Variants in SGPP2 observed in about 807,000 individuals in gnomAD.
The protein encoded by SGPP2 is sphingosine 1-phosphate phosphohydrolase 2.
In SGPP2, 30 loss-of-function variants were observed where a neutral mutation model predicts 33.9. The ratio of observed to expected loss-of-function variants is 0.89; its 90% CI spans 0.66 to 1.20. The LOEUF is 1.20. Ranked by LOEUF, SGPP2 falls within the 50% of genes most tolerant of loss-of-function variation. The pLI is 0.00. For missense variants in SGPP2, 458 were observed against 532.1 expected (o/e 0.86, Z 1.37); for synonymous variants, 233 against 225.0 (o/e 1.04, Z -0.32).
At position 222,562,319 on chromosome 2, in the gene SGPP2, G is replaced by A. The variant is rs892386415; in HGVS notation, c.*3421G>A. Among the ~76,000 whole-genome samples, 18 of 152,094 alleles carry A rather than the reference G, an allele frequency of 1.2e-4. No homozygotes were observed. Among genetic ancestry groups the A allele is most frequent in the African/African-American group, 3.4e-4 (14 of 41,404 alleles). Reference sequence around the variant, plus strand: ...TGCCAGTTTTGCTCAAACCTGCACCGTCACAAGATATTCAGAAGATGAAAA... The same window carrying A: ...TGCCAGTTTTGCTCAAACCTGCACCATCACAAGATATTCAGAAGATGAAAA... On this transcript the variant is annotated 3_prime_UTR_variant, in exon 5 of 5. Coordinates refer to ENST00000321276, the MANE Select transcript of SGPP2 (RefSeq NM_152386.4).
chr2:222,477,823 C>G lies in SGPP2; in HGVS notation c.378+3097C>G, dbSNP rs73991409. On this transcript the variant is annotated intron_variant, in intron 2 of 4. Coordinates refer to ENST00000321276, the MANE Select transcript of SGPP2 (RefSeq NM_152386.4). This position sits in a 1 kb window ranked among gnomAD's most constrained non-coding sequence, Gnocchi z 6.0. ...CGTTGCCATTATTGGTGGTTATTTT[C>G]TGCTTCGGATTCCTCACTTCAAAGC... Among the ~76,000 whole-genome samples, 4,580 of 152,214 alleles carry G rather than the reference C, an allele frequency of 0.03. 254 individuals are homozygous for G. Among genetic ancestry groups the G allele is most frequent in the African/African-American group, 0.1 (4,292 of 41,486 alleles).
At chr2:222,456,000 GC>G (rs1344622657) in intron 1 of SGPP2, among the ~76,000 whole-genome samples, 1 of 152,126 alleles carries the variant, frequency 6.6e-6, no homozygotes, top group Non-Finnish European at 1.5e-5. Context: ...GATTGCTTGA[GC>G]CCAGGAGTTT....
At chr2:222,449,315 G>T (rs543597413) in intron 1 of SGPP2, among the ~76,000 whole-genome samples, 1 of 152,286 alleles carries the variant, frequency 6.6e-6, no homozygotes, top group South Asian at 2.1e-4. Flanking sequence ...GGCATTTTGG[G>T]TGAGGACACA....
At chr2:222,552,175 G>A (rs886304715) in intron 4 of SGPP2, among the ~76,000 whole-genome samples, 1 of 152,178 alleles carries the variant, frequency 6.6e-6, no homozygotes, top group Non-Finnish European at 1.5e-5. Context: ...AGACATGAGT[G>A]TGTAAATATC....
At chr2:222,512,996 G>C (rs1187515424) in intron 2 of SGPP2, among the ~76,000 whole-genome samples, 2 of 152,234 alleles carry the variant, frequency 1.3e-5, no homozygotes, top group African/African-American at 4.8e-5. Context: ...ACACCAAAGA[G>C]TGTGACATCT....
In SGPP2 at chr2:222,555,976, T is replaced by C. The variant is rs60184949; in HGVS notation, c.649-2371T>C. Among the ~76,000 whole-genome samples, 1,036 of 152,318 alleles carry C rather than the reference T, an allele frequency of 6.8e-3. 12 individuals carry two copies. The highest frequency in any genetic ancestry group is 0.024 in the African/African-American group (999 of 41,564). ...CTATGAAAGGAATTCAGTGCGTTGA[T>C]TGGCCTACCTAGGTCATGTGCTTCA... On this transcript the variant is annotated intron_variant, in intron 4 of 4. Transcript: ENST00000321276.
In SGPP2 at chr2:222,503,490, C is replaced by T. The variant is rs116623833; in HGVS notation, c.379-18277C>T. Among the ~76,000 whole-genome samples, 132 of 152,130 alleles carry T rather than the reference C, an allele frequency of 8.7e-4. 2 individuals carry two copies. Among genetic ancestry groups the T allele is most frequent in the African/African-American group, 2.9e-3 (120 of 41,490 alleles). On this transcript the variant is annotated intron_variant, in intron 2 of 4. Coordinates refer to ENST00000321276, the MANE Select transcript of SGPP2 (RefSeq NM_152386.4). ...CCCACTTGTAGGGCTGTTCCCATGG[C>T]GAAATGACAAAGATCTCAAGTCCCT...
chr2:222,522,000 C>T, intron 3 of SGPP2, 54 bp downstream of exon 3: 3 of 1,435,600 alleles, frequency 2.1e-6, no homozygotes, highest in South Asian at 3.3e-5. Flanking sequence ...CAAATAGAGG[C>T]TGCACTTCTG....
intron 1 of SGPP2, among the ~76,000 whole-genome samples, chr2:222,449,710 C>T (rs981450299): frequency 6.6e-6 from 1 of 152,180 alleles, no homozygotes; most frequent in African/African-American, 2.4e-5. Flanking sequence ...TGGGAATGCA[C>T]ACTGCTGCCA....
At chr2:222,505,624 C>G (rs943012999) in intron 2 of SGPP2, among the ~76,000 whole-genome samples, 1 of 151,940 alleles carries the variant, frequency 6.6e-6, no homozygotes, top group Non-Finnish European at 1.5e-5. Context: ...ATACATGAAT[C>G]TATTATGAAA....
chr2:222,537,106 CTG>C (rs1698927575), intron 4 of SGPP2, among the ~76,000 whole-genome samples: 1 of 152,198 alleles, frequency 6.6e-6, no homozygotes, highest in Non-Finnish European at 1.5e-5. Context: ...CAGGGGCAAA[CTG>C]TGTGCCTCAG....
chr2:222,561,478 A>T lies in SGPP2; in HGVS notation c.*2580A>T, dbSNP rs1689537900. ...GTATTTTTTAAAAAGAGGGATTGTG[A>T]TCATTGTCACAGAGTGGGTGCTGGC... On this transcript the variant is annotated 3_prime_UTR_variant, in exon 5 of 5. Coordinates refer to ENST00000321276, the MANE Select transcript of SGPP2 (RefSeq NM_152386.4). Among the ~76,000 whole-genome samples, 1 of 151,484 alleles carries T rather than the reference A, an allele frequency of 6.6e-6. No individual in the cohort carries two copies. Among genetic ancestry groups the T allele is most frequent in the Admixed American group, 6.6e-5 (1 of 15,192 alleles).
intron 1 of SGPP2, among the ~76,000 whole-genome samples, chr2:222,425,286 G>C (rs1048855318): frequency 6.6e-6 from 1 of 151,310 alleles, no homozygotes; most frequent in Admixed American, 6.6e-5. Flanking sequence ...TCCTCACCGC[G>C]CTGCACCGCC....
intron 1 of SGPP2, among the ~76,000 whole-genome samples, chr2:222,442,677 A>G (rs1248537370): frequency 2.6e-5 from 4 of 152,236 alleles, no homozygotes; most frequent in Non-Finnish European, 5.9e-5. Flanking sequence ...TTTGGCTAAG[A>G]ATCTAAAATG....
Position 222,476,531 on chromosome 2 carries a change from G to A in SGPP2, c.378+1805G>A, listed in dbSNP as rs956693812. 2.0e-5 allele frequency among the ~76,000 whole-genome samples: 3 copies of A among 152,104 alleles called. No individual in the cohort carries two copies. The highest frequency in any genetic ancestry group is 6.6e-5 in the Admixed American group (1 of 15,258). On this transcript the variant is annotated intron_variant, in intron 2 of 4. Transcript: ENST00000321276. This position sits in a 1 kb window ranked among gnomAD's most constrained non-coding sequence, Gnocchi z 4.3. ...AACGTTAGTCCAGTTGTCCCTCCCCGTTTCTGAGGCCACTTCTGTGTCCAC... is the reference window on the plus strand; with the variant it reads ...AACGTTAGTCCAGTTGTCCCTCCCCATTTCTGAGGCCACTTCTGTGTCCAC...
Position 222,460,717 on chromosome 2 carries a change from C to G in SGPP2, c.220-13851C>G, listed in dbSNP as rs957068035. 1.3e-5 allele frequency among the ~76,000 whole-genome samples: 2 copies of G among 152,204 alleles called. No homozygotes were observed. The highest frequency in any genetic ancestry group is 4.8e-5 in the African/African-American group (2 of 41,452). The stretch of plus-strand genomic sequence containing the variant: ...ACTCCCTTTACAAATCCCTCACACC[C>G]TGGCTGCTCTGTCGTGGACCAGGTA... On this transcript the variant is annotated intron_variant, in intron 1 of 4. Coordinates refer to ENST00000321276, the MANE Select transcript of SGPP2 (RefSeq NM_152386.4). The surrounding 1 kb of genome is among the most constrained non-coding windows in gnomAD (Gnocchi z 4.3).
At chr2:222,547,391 T>C (rs1207911644) in intron 4 of SGPP2, among the ~76,000 whole-genome samples, 1 of 152,214 alleles carries the variant, frequency 6.6e-6, no homozygotes, top group African/African-American at 2.4e-5. Context: ...TGTGATCCAT[T>C]ATAATTAGAA....
intron 1 of SGPP2, among the ~76,000 whole-genome samples, chr2:222,451,797 G>A (rs1028891276): frequency 1.3e-5 from 2 of 152,226 alleles, no homozygotes; most frequent in African/African-American, 4.8e-5. Context: ...CATGGTAGCA[G>A]AGATACATGG....
intron 3 of SGPP2, 103 bp downstream of exon 3, chr2:222,522,049 T>G (rs1333783245): frequency 1.1e-5 from 12 of 1,075,718 alleles, no homozygotes; most frequent in East Asian, 5.5e-5. Flanking sequence ...CCTTAAGGTT[T>G]ATGAAATAAA....
Sources: gnomAD v4.1 joint callset for allele counts (sites outside exome capture counted in the v4.1 genomes callset) on GRCh38, gnomAD v4.1.1 for gene constraint, Gnocchi (gnomAD v3.1) non-coding constraint, MANE v1.5 for transcripts, NCBI Gene and HGNC (gene_info 2026-07-23, HGNC 2026-07-21) for gene names.